AOPEP: variants seen among roughly 807,000 people sequenced by gnomAD.
The protein encoded by AOPEP is aminopeptidase O (putative).
AOPEP carries 77 observed loss-of-function variants against 98.1 expected under a neutral mutation model. The observed-to-expected ratio is 0.78, with a 90% CI of 0.65 to 0.95. AOPEP has a LOEUF of 0.95. Among genes scored for constraint, AOPEP ranks in the 40% least tolerant of loss-of-function variants. The pLI, the probability that AOPEP is intolerant of heterozygous loss-of-function variation, is 0.00. For synonymous variants in AOPEP, 346 were observed against 365.3 expected, an observed-to-expected ratio of 0.95 and a Z score of 0.60; for missense variants, 1,024 against 1,024.7, an observed-to-expected ratio of 1.00 and a Z score of 0.01.
chr9:94,854,466 A>G (rs1392895147), intron 5 of AOPEP, among the ~76,000 whole-genome samples: 1 of 152,206 alleles, frequency 6.6e-6, no homozygotes, highest in East Asian at 1.9e-4. Context: ...TGCTAAGCAC[A>G]AGAAATCCTG....
At chr9:95,148,380 A>G in the AOPEP span, among the ~76,000 whole-genome samples, 39 of 152,364 alleles carry the variant, frequency 2.6e-4, 1 homozygote, top group Admixed American at 2.4e-3. Context: ...AAGAATGACT[A>G]GCAGACAGGC....
At position 95,013,755 on chromosome 9, in the gene AOPEP, TAAG is replaced by T. The variant is rs982888509; in HGVS notation, c.2115+8142_2115+8144del. 5.9e-5 allele frequency among the ~76,000 whole-genome samples: 9 copies of T among 152,230 alleles called. No individual in the cohort carries two copies. The South Asian group carries it at 6.2e-4, about 11-fold the overall frequency. Reference sequence around the variant, plus strand: ...ATACCTGAAGGTCATGTCAGCTAAATAAGAAATCCTTGGTTCATATTTTTTAAT... The same window carrying T: ...ATACCTGAAGGTCATGTCAGCTAAATAAATCCTTGGTTCATATTTTTTAAT... On this transcript the variant is annotated intron_variant, in intron 13 of 16. Transcript: ENST00000375315.
chr9:95,101,518 G>T, the AOPEP span: 1 of 703,540 alleles, frequency 1.4e-6, no homozygotes, highest in Non-Finnish European at 2.4e-6. Context: ...ACTGAGTCTG[G>T]GCTGAGGGAC....
intron 13 of AOPEP, among the ~76,000 whole-genome samples, chr9:95,056,076 T>A (rs1587828805): frequency 6.6e-6 from 1 of 152,134 alleles, no homozygotes; most frequent in East Asian, 1.9e-4. Flanking sequence ...TGAAGTGACA[T>A]CATATGTATT....
At chr9:95,133,072 C>A in the AOPEP span, among the ~76,000 whole-genome samples, 16 of 152,370 alleles carry the variant, frequency 1.1e-4, no homozygotes, top group African/African-American at 3.8e-4. Context: ...CTCTCTGATA[C>A]TTCTGTACAG....
chr9:94,805,563 T>G (rs1272806934), intron 5 of AOPEP, among the ~76,000 whole-genome samples: 2 of 151,996 alleles, frequency 1.3e-5, no homozygotes, highest in Non-Finnish European at 2.9e-5. Context: ...TAGAAAAAAT[T>G]ATCAATTATT....
At chr9:95,100,144 A>G in the AOPEP span, 6 of 232,670 alleles carry the variant, frequency 2.6e-5, no homozygotes, top group African/African-American at 1.3e-4. Flanking sequence ...TTTCAACCCC[A>G]ACACCTCTGA....
rs972513191 is a variant in AOPEP, at chr9:94,980,087, C to T, written c.1977+660C>T. Among the ~76,000 whole-genome samples, 1 of 152,248 alleles carries T rather than the reference C, an allele frequency of 6.6e-6. No homozygotes were observed. The highest frequency in any genetic ancestry group is 2.4e-5 in the African/African-American group (1 of 41,466). On this transcript the variant is annotated intron_variant, in intron 11 of 16. Transcript: ENST00000375315. This position sits in a 1 kb window ranked among gnomAD's most constrained non-coding sequence, Gnocchi z 4.3. ...TCTAAGGGAGAAACCTTTTCCTGGCCAGCCCTAGCTCTGTGGAAATCACCT... is the reference window on the plus strand; with the variant it reads ...TCTAAGGGAGAAACCTTTTCCTGGCTAGCCCTAGCTCTGTGGAAATCACCT...
the AOPEP span, among the ~76,000 whole-genome samples, chr9:95,094,835 T>C: frequency 6.6e-6 from 1 of 152,152 alleles, no homozygotes; most frequent in African/African-American, 2.4e-5. Flanking sequence ...CCAGCTAATT[T>C]TTGTATTTTC....
At chr9:94,828,393 T>G (rs1412089181) in intron 5 of AOPEP, among the ~76,000 whole-genome samples, 1 of 152,222 alleles carries the variant, frequency 6.6e-6, no homozygotes, top group African/African-American at 2.4e-5. Context: ...TAAGTTGATT[T>G]TTGTGTAAGG....
At chr9:95,116,780 T>C in the AOPEP span, among the ~76,000 whole-genome samples, 15 of 152,212 alleles carry the variant, frequency 9.9e-5, no homozygotes. Context: ...TGGATAGCCT[T>C]TGGAAGGCTG....
At chr9:94,743,469 T>A (rs1263378163) in intron 1 of AOPEP, among the ~76,000 whole-genome samples, 6 of 152,172 alleles carry the variant, frequency 3.9e-5, no homozygotes, top group African/African-American at 1.4e-4. Context: ...GTTTAAGAAA[T>A]ATGCAGTCAC....
At chr9:95,105,059 G>C in the AOPEP span, among the ~76,000 whole-genome samples, 2 of 152,232 alleles carry the variant, frequency 1.3e-5, no homozygotes, top group African/African-American at 4.8e-5. Flanking sequence ...CATTCTCGCT[G>C]TGCTGGGGCC....
At chr9:94,807,822 G>A (rs1337121958) in intron 5 of AOPEP, among the ~76,000 whole-genome samples, 1 of 152,138 alleles carries the variant, frequency 6.6e-6, no homozygotes. Flanking sequence ...TTCTTTTAAG[G>A]GTAGATTTCT....
At chr9:94,843,414 C>A (rs1564240316) in intron 5 of AOPEP, among the ~76,000 whole-genome samples, 1 of 152,144 alleles carries the variant, frequency 6.6e-6, no homozygotes, top group East Asian at 1.9e-4. Flanking sequence ...TGCTTATTGA[C>A]CTTTTTGTAC....
At chr9:94,999,493 A>G (rs1026555727) in intron 11 of AOPEP, among the ~76,000 whole-genome samples, 1 of 152,172 alleles carries the variant, frequency 6.6e-6, no homozygotes, top group African/African-American at 2.4e-5. Context: ...AGATTGTCCT[A>G]TGGCTCCTCA....
rs145448355 is a variant in AOPEP, at chr9:94,820,372, G to A, written c.1364+19370G>A. ...TCATGCAGATGCAGGCCAATTAGAC[G>A]ATACATATTATTACTCTCTCTCCCT... is the stretch of plus-strand genomic sequence containing the variant. On this transcript the variant is annotated intron_variant, in intron 5 of 16. Transcript: ENST00000375315. Among the ~76,000 whole-genome samples the A allele has an allele frequency of 7.5e-3, 1,139 of 152,082 alleles. 21 individuals carry two copies. Among genetic ancestry groups the A allele is most frequent in the African/African-American group, 0.025 (1,054 of 41,482 alleles).
At chr9:94,812,496 G>T (rs1395991110) in intron 5 of AOPEP, among the ~76,000 whole-genome samples, 1 of 152,136 alleles carries the variant, frequency 6.6e-6, no homozygotes, top group Non-Finnish European at 1.5e-5. Flanking sequence ...ACCTCTGTAA[G>T]GGAATCTTAT....
chr9:94,951,773 C>T (rs987681670), intron 7 of AOPEP, among the ~76,000 whole-genome samples: 4 of 152,222 alleles, frequency 2.6e-5, no homozygotes, highest in African/African-American at 9.6e-5. Flanking sequence ...TCAGTCCATT[C>T]TGCTCTCCAC....
Sources: gnomAD v4.1 joint callset for allele counts (sites outside exome capture counted in the v4.1 genomes callset) on GRCh38, gnomAD v4.1.1 for gene constraint, Gnocchi (gnomAD v3.1) non-coding constraint, MANE v1.5 for transcripts, NCBI Gene and HGNC (gene_info 2026-07-23, HGNC 2026-07-21) for gene names.